Variants in ADAMTS6 observed in about 807,000 individuals in gnomAD.
ADAMTS6 encodes the protein ADAM metallopeptidase with thrombospondin type 1 motif 6.
A neutral mutation model predicts 144.3 loss-of-function variants in ADAMTS6; 23 were observed. The ratio of observed to expected loss-of-function variants is 0.16; its 90% CI spans 0.11 to 0.23. The LOEUF (loss-of-function observed/expected upper bound fraction) is 0.23. ADAMTS6 is among the 10% of genes least tolerant of loss of function. ADAMTS6 has a pLI of 1.00. For missense variants in ADAMTS6, 999 were observed against 1,379.6 expected (o/e 0.72, Z 4.37); for synonymous variants, 444 against 457.5 (o/e 0.97, Z 0.38).
chr5:65,211,769 C>T (rs1231400483), intron 20 of ADAMTS6, among the ~76,000 whole-genome samples: 1 of 152,146 alleles, frequency 6.6e-6, no homozygotes. Flanking sequence ...CTTTCATCTC[C>T]CACATTAGAA....
chr5:65,207,703 C>A (rs1756208512), intron 20 of ADAMTS6, among the ~76,000 whole-genome samples: 1 of 152,194 alleles, frequency 6.6e-6, no homozygotes, highest in African/African-American at 2.4e-5. Context: ...AAGGTCTTCT[C>A]TGATTAGAAC....
intron 11 of ADAMTS6, among the ~76,000 whole-genome samples, chr5:65,288,562 C>T: frequency 6.6e-6 from 1 of 152,148 alleles, no homozygotes; most frequent in African/African-American, 2.4e-5. Flanking sequence ...TCTTGATCCA[C>T]CCACCTCGGC....
intron 20 of ADAMTS6, chr5:65,211,096 G>T (rs1756496643): frequency 6.5e-6 from 1 of 152,774 alleles, no homozygotes; most frequent in Admixed American, 6.5e-5. Flanking sequence ...TTTCATTAAG[G>T]AGAAGATGAC....
At chr5:65,436,400 T>C (rs1421742579) in intron 7 of ADAMTS6, among the ~76,000 whole-genome samples, 1 of 152,194 alleles carries the variant, frequency 6.6e-6, no homozygotes, top group East Asian at 1.9e-4. Context: ...TGTGACATTA[T>C]TTCAAGACAT....
chr5:65,328,049 C>A (rs1746337595), intron 9 of ADAMTS6, among the ~76,000 whole-genome samples: 1 of 152,030 alleles, frequency 6.6e-6, no homozygotes, highest in South Asian at 2.1e-4. Context: ...ATGTTTATTA[C>A]AATGGAAAGT....
chr5:65,386,181 A>G (rs1223881726), intron 7 of ADAMTS6, among the ~76,000 whole-genome samples: 1 of 152,220 alleles, frequency 6.6e-6, no homozygotes, highest in Non-Finnish European at 1.5e-5. Context: ...CAGGCTATAT[A>G]TTATTATGTC....
In ADAMTS6 at chr5:65,317,856, G is replaced by A. The variant is rs190597768; in HGVS notation, c.1223+11522C>T. ...TGGGAGGCCGAGGCGGGTGGATCAC[G>A]AGGTCAGGAGATCGAGACCATCCTG... On this transcript the variant is annotated intron_variant, in intron 9 of 24. Transcript: ENST00000381055. 2.0e-3 allele frequency among the ~76,000 whole-genome samples: 301 copies of A among 151,998 alleles called. 2 individuals are homozygous for A. The highest frequency in any genetic ancestry group is 1.8e-3 in the Non-Finnish European group (124 of 67,932).
intron 7 of ADAMTS6, among the ~76,000 whole-genome samples, chr5:65,391,538 C>T (rs1251397394): frequency 3.3e-5 from 5 of 151,862 alleles, no homozygotes; most frequent in Admixed American, 1.3e-4. Flanking sequence ...TAATGCATAC[C>T]TTAATGCATA....
chr5:65,389,921 C>A (rs1262149010), intron 7 of ADAMTS6, among the ~76,000 whole-genome samples: 2 of 151,880 alleles, frequency 1.3e-5, no homozygotes, highest in Admixed American at 6.6e-5. Flanking sequence ...TCATTAGAAA[C>A]GTTTTTCTTT....
intron 14 of ADAMTS6, among the ~76,000 whole-genome samples, chr5:65,259,882 C>T (rs2112587009): frequency 6.6e-6 from 1 of 152,142 alleles, no homozygotes; most frequent in South Asian, 2.1e-4. Flanking sequence ...AGTCTAATGA[C>T]ATTAATTAAA....
chr5:65,468,952 G>A (rs1047045839), intron 3 of ADAMTS6, among the ~76,000 whole-genome samples: 1 of 151,990 alleles, frequency 6.6e-6, no homozygotes, highest in African/African-American at 2.4e-5. Context: ...TATATCAAAG[G>A]CATGCTCTTC....
chr5:65,429,098 C>G (rs577535282), intron 7 of ADAMTS6, among the ~76,000 whole-genome samples: 11 of 152,050 alleles, frequency 7.2e-5, no homozygotes, highest in African/African-American at 2.4e-4. Flanking sequence ...TTTCCCTTGC[C>G]CCTTCTCTAC....
intron 7 of ADAMTS6, among the ~76,000 whole-genome samples, chr5:65,432,130 G>A (rs1420179645): frequency 7.9e-5 from 12 of 151,984 alleles, no homozygotes; most frequent in Admixed American, 7.9e-4. Flanking sequence ...TTTTAAAGAT[G>A]CTAGTTTTTG....
At chr5:65,172,798 A>G (rs759091794) in intron 23 of ADAMTS6, 34 bp downstream of exon 23, 3 of 1,599,736 alleles carry the variant, frequency 1.9e-6, no homozygotes, top group Non-Finnish European at 2.6e-6. Context: ...TCAAGGTGCT[A>G]TTTCAGCAGG....
chr5:65,370,524 TG>T (rs2150118292), intron 7 of ADAMTS6, among the ~76,000 whole-genome samples: 1 of 152,308 alleles, frequency 6.6e-6, no homozygotes, highest in African/African-American at 2.4e-5. Flanking sequence ...AGATGGCACC[TG>T]GAAAGTCGGG....
chr5:65,280,156 G>A (rs1044480672), intron 11 of ADAMTS6, among the ~76,000 whole-genome samples: 22 of 152,160 alleles, frequency 1.4e-4, no homozygotes, highest in African/African-American at 2.9e-4. Flanking sequence ...CATTTGCACA[G>A]TTAAATCTCT....
chr5:65,169,527 C>A (rs959937144), intron 24 of ADAMTS6, among the ~76,000 whole-genome samples: 2 of 136,224 alleles, frequency 1.5e-5, no homozygotes, highest in Admixed American at 7.4e-5. Context: ...CCAGCCATCC[C>A]ATTACTGGGT....
chr5:65,179,848 T>C (rs540935320), intron 22 of ADAMTS6, among the ~76,000 whole-genome samples: 105 of 152,318 alleles, frequency 6.9e-4, no homozygotes, highest in African/African-American at 2.3e-3. Flanking sequence ...TATAATTATG[T>C]ATTTACATGT....
intron 12 of ADAMTS6, among the ~76,000 whole-genome samples, chr5:65,265,806 C>T (rs775263433): frequency 4.6e-5 from 7 of 151,578 alleles, no homozygotes; most frequent in Middle Eastern, 3.4e-3. Context: ...GACACCAGAA[C>T]CTAAAGGAAT....
Sources: gnomAD v4.1 joint callset for allele counts (sites outside exome capture counted in the v4.1 genomes callset) on GRCh38, gnomAD v4.1.1 for gene constraint, MANE v1.5 for transcripts, NCBI Gene and HGNC (gene_info 2026-07-23, HGNC 2026-07-21) for gene names.